The following CPNE4 variants were observed in gnomAD, a reference collection of about 807,000 sequenced individuals.
The protein encoded by CPNE4 is copine-4.
In CPNE4, 25 loss-of-function variants were observed where a neutral mutation model predicts 67.9. That is an observed-to-expected ratio of 0.37 (90% confidence interval 0.27 to 0.51). CPNE4 has a LOEUF of 0.51. Among genes scored for constraint, CPNE4 ranks in the 20% least tolerant of loss-of-function variants. The probability of loss-of-function intolerance (pLI) is 0.93; values close to 1 mark genes in which losing one functional copy is unlikely to be tolerated. For missense variants in CPNE4, 464 were observed against 690.8 expected (o/e 0.67, Z 3.68); for synonymous variants, 242 against 244.9 (o/e 0.99, Z 0.11).
intron 12 of CPNE4, among the ~76,000 whole-genome samples, chr3:131,553,996 A>C (rs1454367256): frequency 6.6e-6 from 1 of 152,106 alleles, no homozygotes; most frequent in East Asian, 1.9e-4. Flanking sequence ...GACTTCAGAA[A>C]ACAGCAAGAA....
rs774686399 is a variant in CPNE4 at position 131,535,163 on chromosome 3, AT to A, written c.*31del. 1 of 1,563,090 alleles carries A rather than the reference AT, an allele frequency of 6.4e-7. No homozygotes were observed. Among genetic ancestry groups the A allele is most frequent in the South Asian group, 1.2e-5 (1 of 82,830 alleles). The stretch of plus-strand genomic sequence containing the variant: ...AATATGAAATATTAGCAGGAATAGT[AT>A]TTCAGAACTCTGTAAAACTGTGTGG... On this transcript the variant is annotated 3_prime_UTR_variant, in exon 16 of 16. Transcript: ENST00000429747.
intron 1 of CPNE4, among the ~76,000 whole-genome samples, chr3:131,957,905 T>C (rs868417751): frequency 1.3e-5 from 2 of 152,204 alleles, no homozygotes; most frequent in Non-Finnish European, 2.9e-5. Context: ...TTCAAGCAGA[T>C]GTGAAAACTT....
intron 1 of CPNE4, among the ~76,000 whole-genome samples, chr3:132,008,992 G>C (rs1178408360): frequency 2.0e-5 from 3 of 152,058 alleles, no homozygotes; most frequent in Non-Finnish European, 1.5e-5. Context: ...TGTTTATTTT[G>C]GCCTATAACT....
rs2086569399 is a variant in CPNE4 at position 131,859,055 on chromosome 3, T to A, written c.180+46209A>T. On this transcript the variant is annotated intron_variant, in intron 2 of 15. Coordinates refer to ENST00000429747, the MANE Select transcript of CPNE4 (RefSeq NM_130808.3). The stretch of plus-strand genomic sequence containing the variant: ...AGCTGTGGGAATGATATTATTAGAG[T>A]TCAAAAACATTTATTATATTTTTCT... Among the ~76,000 whole-genome samples, 5 of 152,226 alleles carry A rather than the reference T, an allele frequency of 3.3e-5. No individual in the cohort carries two copies. In the South Asian group the frequency reaches 1.0e-3, roughly 32 times the overall value.
chr3:131,939,014 C>A (rs2071306974), intron 1 of CPNE4, among the ~76,000 whole-genome samples: 1 of 152,120 alleles, frequency 6.6e-6, no homozygotes, highest in South Asian at 2.1e-4. Context: ...AGAATGGGCA[C>A]TCTCTTGCAC....
In CPNE4 at chr3:131,566,901, A is replaced by G. The variant is rs566610775; in HGVS notation, c.928-2552T>C. ...TTCTAGAGAGCGTGAAGATGTTGTTATGGAGATTACCTTGATTCTGCTTTA... is the reference window on the plus strand; with the variant it reads ...TTCTAGAGAGCGTGAAGATGTTGTTGTGGAGATTACCTTGATTCTGCTTTA... On this transcript the variant is annotated intron_variant, in intron 10 of 15. Transcript: ENST00000429747. Among the ~76,000 whole-genome samples, 56 of 152,064 alleles carry G rather than the reference A, an allele frequency of 3.7e-4. 1 individual carries two copies. The South Asian group carries it at 0.011, about 31-fold the overall frequency.
intron 1 of CPNE4, among the ~76,000 whole-genome samples, chr3:132,012,232 G>A (rs1426319264): frequency 1.3e-5 from 2 of 149,004 alleles, no homozygotes; most frequent in African/African-American, 2.5e-5. Context: ...TCAGTGGTGC[G>A]ATCTCCGCTC....
chr3:131,734,307 T>C (rs1357618077), intron 2 of CPNE4, among the ~76,000 whole-genome samples: 1 of 152,154 alleles, frequency 6.6e-6, no homozygotes, highest in Admixed American at 6.5e-5. Flanking sequence ...TAGATGTATG[T>C]TCTTGATAGC....
chr3:131,675,706 T>G (rs1028001052), intron 6 of CPNE4, among the ~76,000 whole-genome samples: 2 of 152,094 alleles, frequency 1.3e-5, no homozygotes, highest in Non-Finnish European at 1.5e-5. Flanking sequence ...ATAGGTAAAG[T>G]GTATTTTTTG....
chr3:131,682,404 C>T (rs1246837235), intron 6 of CPNE4, among the ~76,000 whole-genome samples: 1 of 152,088 alleles, frequency 6.6e-6, no homozygotes, highest in African/African-American at 2.4e-5. Context: ...TGTAGAGGTA[C>T]AGTGGTGGTC....
At chr3:131,748,791 T>A (rs2082553584) in intron 2 of CPNE4, among the ~76,000 whole-genome samples, 1 of 152,142 alleles carries the variant, frequency 6.6e-6, no homozygotes, top group African/African-American at 2.4e-5. Context: ...TTTTGATGTC[T>A]GCAGGATGTG....
chr3:131,915,782 C>A (rs1191571719), intron 1 of CPNE4, among the ~76,000 whole-genome samples: 1 of 152,088 alleles, frequency 6.6e-6, no homozygotes, highest in African/African-American at 2.4e-5. Flanking sequence ...AAAACAACTT[C>A]TTGGGGAAAT....
rs184515869 is a variant in CPNE4 at position 131,876,993 on chromosome 3, C to G, written c.180+28271G>C. 3.9e-4 allele frequency among the ~76,000 whole-genome samples: 59 copies of G among 152,080 alleles called. 1 individual carries two copies. The highest frequency in any genetic ancestry group is 1.2e-3 in the Admixed American group (19 of 15,264). ...GTTTCTTTTCTCTAACAATCTACAG[C>G]AAATAATGTACTTTTTTTTTTTTCT... is the stretch of plus-strand genomic sequence containing the variant. On this transcript the variant is annotated intron_variant, in intron 2 of 15. Coordinates refer to ENST00000429747, the MANE Select transcript of CPNE4 (RefSeq NM_130808.3).
chr3:131,939,907 T>C (rs150214853), intron 1 of CPNE4, among the ~76,000 whole-genome samples: 1 of 152,252 alleles, frequency 6.6e-6, no homozygotes. Context: ...GTATTAATAG[T>C]ATTCTCATTT....
chr3:131,685,074 TCAAA>T (rs2080857012), intron 6 of CPNE4, among the ~76,000 whole-genome samples: 1 of 152,058 alleles, frequency 6.6e-6, no homozygotes, highest in Non-Finnish European at 1.5e-5. Context: ...AAGCTCAGAG[TCAAA>T]CAACCTCAAT....
chr3:131,983,600 G>A (rs778587008), intron 1 of CPNE4, among the ~76,000 whole-genome samples: 1 of 152,138 alleles, frequency 6.6e-6, no homozygotes, highest in Non-Finnish European at 1.5e-5. Flanking sequence ...TTTATAAAGT[G>A]GTAGGCACAC....
At chr3:131,812,660 A>G (rs1043044695) in intron 2 of CPNE4, among the ~76,000 whole-genome samples, 2 of 152,206 alleles carry the variant, frequency 1.3e-5, no homozygotes, top group African/African-American at 4.8e-5. Context: ...CATATTGAGC[A>G]TTTACTGTGT....
chr3:131,601,524 A>G (rs1449834353), intron 7 of CPNE4, among the ~76,000 whole-genome samples: 1 of 152,150 alleles, frequency 6.6e-6, no homozygotes, highest in Non-Finnish European at 1.5e-5. Context: ...ACCTGGTAGT[A>G]CCTGGTAAAC....
intron 2 of CPNE4, among the ~76,000 whole-genome samples, chr3:131,817,198 G>T (rs2084775757): frequency 1.3e-5 from 2 of 152,124 alleles, no homozygotes; most frequent in Non-Finnish European, 2.9e-5. Context: ...CAGGGTTGGG[G>T]GAAACTGGAG....
Sources: gnomAD v4.1 joint callset for allele counts (sites outside exome capture counted in the v4.1 genomes callset) on GRCh38, gnomAD v4.1.1 for gene constraint, MANE v1.5 for transcripts, NCBI Gene and HGNC (gene_info 2026-07-23, HGNC 2026-07-21) for gene names.